ARHGAP1: variants seen among roughly 807,000 people sequenced by gnomAD.
The protein encoded by ARHGAP1 is Rho GTPase activating protein 1, also known as rho GTPase-activating protein 1.
ARHGAP1 carries 23 observed loss-of-function variants against 52.2 expected under a neutral mutation model. The ratio of observed to expected loss-of-function variants is 0.44; its 90% confidence interval spans 0.32 to 0.62. ARHGAP1 has a LOEUF of 0.62. Among genes scored for constraint, ARHGAP1 ranks in the 20% least tolerant of loss-of-function variants. The pLI, the probability that ARHGAP1 is intolerant of heterozygous loss-of-function variation, is 0.05. For synonymous variants in ARHGAP1, 210 were observed against 228.4 expected (o/e 0.92, Z 0.73); for missense variants, 480 against 560.9 (o/e 0.86, Z 1.46).
chr11:46,682,030 A>G (rs753275044), intron 5 of ARHGAP1, 21 bp downstream of exon 5: 304 of 1,613,332 alleles, frequency 1.9e-4, no homozygotes, highest in Non-Finnish European at 2.5e-4. Context: ...CTGACTGTGC[A>G]GGCCCCATGC....
intron 3 of ARHGAP1, among the ~76,000 whole-genome samples, chr11:46,692,954 G>A (rs923175777): frequency 1.3e-5 from 2 of 151,738 alleles, no homozygotes; most frequent in Non-Finnish European, 2.9e-5. Context: ...CCGGGTTCAC[G>A]CTATTCTCCT....
Position 46,680,680 on chromosome 11 carries a change from GC to G in ARHGAP1, c.702del (p.Leu237CysfsTer135). 6.2e-7 allele frequency: 1 copy of G among 1,605,326 alleles called. No homozygotes were observed. The highest frequency in any genetic ancestry group is 8.5e-7 in the Non-Finnish European group (1 of 1,174,984). ...CCAAACTGCTGGTTGGGCAGGGGGG[GC>G]CGTGGGGGCATGGGCTTGGGGGCTG... Reference protein sequence around the residue: ...PATAPKPMPPRPPLPNQQFGV... With the variant: ...PATAPKPMPPXPPLPNQQFGV... On this transcript the variant is annotated frameshift_variant, in exon 8 of 13. Transcript: ENST00000311956. LOFTEE classifies it high-confidence loss of function. The surrounding 1 kb of genome is among the most constrained non-coding windows in gnomAD (Gnocchi z 5.9).
At chr11:46,691,678 C>G (rs2064616449) in intron 3 of ARHGAP1, among the ~76,000 whole-genome samples, 1 of 152,086 alleles carries the variant, frequency 6.6e-6, no homozygotes, top group Non-Finnish European at 1.5e-5. Flanking sequence ...TCTCAAACTC[C>G]CGACCTCAGG....
At chr11:46,689,843 C>T (rs2064597765) in intron 3 of ARHGAP1, among the ~76,000 whole-genome samples, 1 of 152,218 alleles carries the variant, frequency 6.6e-6, no homozygotes, top group Non-Finnish European at 1.5e-5. Flanking sequence ...CCGGCTCTTA[C>T]CTCAATTTTT....
chr11:46,683,269 C>T (rs1043286826), intron 4 of ARHGAP1, among the ~76,000 whole-genome samples: 1 of 152,036 alleles, frequency 6.6e-6, no homozygotes, highest in Non-Finnish European at 1.5e-5. Flanking sequence ...TCTTGAGTTC[C>T]TGGCCTCAAG....
At chr11:46,688,748 T>C (rs1247932308) in intron 3 of ARHGAP1, among the ~76,000 whole-genome samples, 38 of 151,600 alleles carry the variant, frequency 2.5e-4, no homozygotes, top group Admixed American at 2.5e-3. Flanking sequence ...GTGCTGGGAT[T>C]ACAGATGTGA....
Position 46,678,167 on chromosome 11 carries a change from AACAG to A in ARHGAP1, c.*866_*869del, listed in dbSNP as rs1404680021. On this transcript the variant is annotated 3_prime_UTR_variant, in exon 13 of 13. Coordinates refer to ENST00000311956, the MANE Select transcript of ARHGAP1 (RefSeq NM_004308.5). ...GGGGCAGGGGCCAGTGTGACTCCGT[AACAG>A]ACAGGTCCACAAGAACATGAAGGCT... 1 of 244,102 alleles carries A rather than the reference AACAG, an allele frequency of 4.1e-6. No homozygotes were observed. Among genetic ancestry groups the A allele is most frequent in the Non-Finnish European group, 8.3e-6 (1 of 120,030 alleles). 15.1% of individuals were successfully genotyped at this position (244,102 alleles called of 1,614,324 possible).
At position 46,679,473 on chromosome 11, in the gene ARHGAP1, G is replaced by C. The variant is rs1362835093; in HGVS notation, c.1028-5C>G. The C allele has an allele frequency of 6.2e-7, 1 of 1,613,586 alleles. No homozygotes were observed. Among genetic ancestry groups the C allele is most frequent in the African/African-American group, 1.3e-5 (1 of 75,024 alleles). On this transcript the variant is annotated splice_region_variant and splice_polypyrimidine_tract_variant and intron_variant, in intron 11 of 12. Transcript: ENST00000311956. This position sits in a 1 kb window ranked among gnomAD's most constrained non-coding sequence, Gnocchi z 4.4. The stretch of plus-strand genomic sequence containing the variant: ...CCCTCTGGCTTTCATCAATGTCTAT[G>C]AGGAAAGGAGGCCCGGGTTATAGGG...
At chr11:46,693,796 G>T (rs912301555) in intron 3 of ARHGAP1, among the ~76,000 whole-genome samples, 2 of 152,170 alleles carry the variant, frequency 1.3e-5, no homozygotes, top group African/African-American at 4.8e-5. Context: ...CATTTGTTAA[G>T]CTGTTCAACT....
chr11:46,682,072 G>A lies in ARHGAP1; in HGVS notation c.428C>T (p.Ala143Val). 3 of 1,614,130 alleles carry A rather than the reference G, an allele frequency of 1.9e-6. No individual in the cohort carries two copies. The highest frequency in any genetic ancestry group is 2.5e-6 in the Non-Finnish European group (3 of 1,180,004). Residue 143 changes from alanine to valine, a missense_variant, in exon 5 of 13, where the codon GCC becomes GTC. By Grantham distance (64) the Ala-to-Val change is moderately conservative. Transcript: ENST00000311956. ...NKPSLSWLRD[A>V]YREFDRKYKK... ...CCACTTGCGGTCAAACTCCCGGTAG[G>A]CATCACGGAGCCAGCTGAGGGAGGG...
chr11:46,695,856 C>G (rs994553178), intron 2 of ARHGAP1, 101 bp from the exon 3 acceptor site: 42 of 1,595,244 alleles, frequency 2.6e-5, no homozygotes, highest in Non-Finnish European at 3.6e-5. Context: ...GGCCCATGCT[C>G]CCAGCCCAAA....
At chr11:46,695,114 G>T in intron 3 of ARHGAP1, 1 of 221,054 alleles carries the variant, frequency 4.5e-6, no homozygotes, top group Non-Finnish European at 9.3e-6. Flanking sequence ...ACAGGAGGGA[G>T]GGAGCTCCCT....
chr11:46,679,942 T>A lies in ARHGAP1; in HGVS notation c.899-166A>T. 1 of 1,221,326 alleles carries A rather than the reference T, an allele frequency of 8.2e-7. No individual in the cohort carries two copies. Among genetic ancestry groups the A allele is most frequent in the Non-Finnish European group, 1.1e-6 (1 of 895,744 alleles). The allele number at this position is 1,221,326 out of a possible 1,614,324, so 75.7% of individuals were successfully genotyped here. A position where few individuals can be genotyped will look rare whatever the true frequency, so the allele number is the denominator to read the frequency against. ...TCCCTCTTCCTCTGTGATCAGAGAATGCAGGTTCCGGCCATCTGGGGAAGT... is the reference window on the plus strand; with the variant it reads ...TCCCTCTTCCTCTGTGATCAGAGAAAGCAGGTTCCGGCCATCTGGGGAAGT... On this transcript the variant is annotated intron_variant, in intron 10 of 12. Coordinates refer to ENST00000311956, the MANE Select transcript of ARHGAP1 (RefSeq NM_004308.5). The surrounding 1 kb of genome is among the most constrained non-coding windows in gnomAD (Gnocchi z 4.4).
intron 3 of ARHGAP1, among the ~76,000 whole-genome samples, chr11:46,694,010 T>C (rs1406332556): frequency 2.0e-5 from 3 of 152,090 alleles, no homozygotes; most frequent in African/African-American, 4.8e-5. Flanking sequence ...GCTGAGGCTA[T>C]AACCCACCCT....
At chr11:46,699,090 G>T (rs1279356627) in intron 1 of ARHGAP1, among the ~76,000 whole-genome samples, 2 of 152,162 alleles carry the variant, frequency 1.3e-5, no homozygotes, top group Non-Finnish European at 2.9e-5. Context: ...ATCACTTTTA[G>T]GAAGTTGTAG....
rs763362621 is a variant in ARHGAP1, at chr11:46,680,683, G to A, written c.700C>T (p.Arg234Trp). ...AACTGCTGGTTGGGCAGGGGGGGCCGTGGGGGCATGGGCTTGGGGGCTGTC... is the reference window on the plus strand; with the variant it reads ...AACTGCTGGTTGGGCAGGGGGGGCCATGGGGGCATGGGCTTGGGGGCTGTC... ...PATAPKPMPP[R>W]PPLPNQQFGV... is the part of the protein sequence containing the mutation. The change falls in exon 8 of 13, where the codon CGG (arginine) becomes TGG (tryptophan). Residue 234 changes from arginine (R) to tryptophan (W), a missense_variant. By Grantham distance (101) the Arg-to-Trp change is moderately radical (BLOSUM62 -3). Coordinates refer to ENST00000311956, the MANE Select transcript of ARHGAP1 (RefSeq NM_004308.5). The surrounding 1 kb of genome is among the most constrained non-coding windows in gnomAD (Gnocchi z 5.9). 73 of 1,603,874 alleles carry A rather than the reference G, an allele frequency of 4.6e-5. No individual in the cohort carries two copies. The highest frequency in any genetic ancestry group is 6.7e-5 in the South Asian group (6 of 89,684).
intron 3 of ARHGAP1, among the ~76,000 whole-genome samples, chr11:46,693,160 A>G (rs986460544): frequency 1.3e-5 from 2 of 150,828 alleles, no homozygotes; most frequent in Non-Finnish European, 3.0e-5. Context: ...CCTTAACCCC[A>G]GCTAATTTTG....
In ARHGAP1 at chr11:46,681,215, G is replaced by A. The variant is rs1789885266; in HGVS notation, c.536+78C>T. 1 of 1,544,616 alleles carries A rather than the reference G, an allele frequency of 6.5e-7. No individual in the cohort carries two copies. Among genetic ancestry groups the A allele is most frequent in the Non-Finnish European group, 9.0e-7 (1 of 1,117,170 alleles). ...AGACGGAAGCCCAGCCGCACCTGGT[G>A]GTCCCCAGGCTGCCCAGCCTCCCAG... On this transcript the variant is annotated intron_variant, in intron 6 of 12. Coordinates refer to ENST00000311956, the MANE Select transcript of ARHGAP1 (RefSeq NM_004308.5). This position sits in a 1 kb window ranked among gnomAD's most constrained non-coding sequence, Gnocchi z 5.7.
Position 46,681,418 on chromosome 11 carries a change from T to C in ARHGAP1, c.450-39A>G. On this transcript the variant is annotated intron_variant, in intron 5 of 12. Transcript: ENST00000311956. The surrounding 1 kb of genome is among the most constrained non-coding windows in gnomAD (Gnocchi z 5.7). ...ATGGACAACTCAGGAGCAGGCGTGG[T>C]GGGACAGGTGCCACGCTAGGGTCCC... is the stretch of plus-strand genomic sequence containing the variant. The C allele has an allele frequency of 6.8e-7, 1 of 1,480,012 alleles. No individual in the cohort carries two copies. Among genetic ancestry groups the C allele is most frequent in the Non-Finnish European group, 9.4e-7 (1 of 1,058,450 alleles). 91.7% of individuals were successfully genotyped at this position (1,480,012 alleles called of 1,614,324 possible).
Sources: allele counts gnomAD v4.1 joint callset (sites outside exome capture counted in the v4.1 genomes callset), GRCh38; gene constraint gnomAD v4.1.1; non-coding constraint Gnocchi (gnomAD v3.1); transcripts MANE v1.5; gene names NCBI Gene and HGNC (gene_info 2026-07-23, HGNC 2026-07-21).